The following SH3PXD2B variants were observed in gnomAD, a reference collection of about 807,000 sequenced individuals.
SH3PXD2B encodes the protein SH3 and PX domain-containing protein 2B.
A neutral mutation model predicts 73.1 loss-of-function variants in SH3PXD2B; 37 were observed. That is an observed-to-expected ratio of 0.51 (90% confidence interval 0.39 to 0.67). The LOEUF is 0.67. Among genes scored for constraint, SH3PXD2B ranks in the 30% least tolerant of loss-of-function variants. The probability of loss-of-function intolerance (pLI) is 0.00; values close to 1 mark genes in which losing one functional copy is unlikely to be tolerated. For synonymous variants in SH3PXD2B, 457 were observed against 480.5 expected (o/e 0.95, Z 0.64); for missense variants, 1,053 against 1,197.8 (o/e 0.88, Z 1.78).
intron 3 of SH3PXD2B, among the ~76,000 whole-genome samples, chr5:172,399,355 C>G (rs1298548276): frequency 6.6e-6 from 1 of 152,158 alleles, no homozygotes; most frequent in African/African-American, 2.4e-5. Context: ...CCCCTTATAC[C>G]TCTGCTCAAA....
At chr5:172,395,573 T>C (rs1313286691) in intron 3 of SH3PXD2B, among the ~76,000 whole-genome samples, 1 of 152,130 alleles carries the variant, frequency 6.6e-6, no homozygotes, top group Non-Finnish European at 1.5e-5. Flanking sequence ...ATCCAAGACA[T>C]TGAAATGTCA....
chr5:172,440,171 A>G lies in SH3PXD2B; in HGVS notation c.75+14107T>C, dbSNP rs148282441. On this transcript the variant is annotated intron_variant, in intron 1 of 12. Transcript: ENST00000311601. ...GTGAGGGCCTCTCTCGTGTTGACAG[A>G]GCTGTCCAGAGTGAATGGAGCCGCC... Among the ~76,000 whole-genome samples, 290 of 152,362 alleles carry G rather than the reference A, an allele frequency of 1.9e-3. 2 individuals are homozygous for G. The highest frequency in any genetic ancestry group is 6.6e-3 in the African/African-American group (274 of 41,588).
At position 172,362,806 on chromosome 5, in the gene SH3PXD2B, T is replaced by TGG. The variant is rs773577754; in HGVS notation, c.489_490dup (p.Gln164ProfsTer78). On this transcript the variant is annotated frameshift_variant, in exon 7 of 13. Transcript: ENST00000311601. LOFTEE classifies it high-confidence loss of function. ...GCTGATCTCCGAACTCTCCTGCTTC[T>TGG]GGTAGTTGGCTACCACCACATACTG... The TGG allele has an allele frequency of 5.6e-6, 9 of 1,614,072 alleles. No homozygotes were observed. Among genetic ancestry groups the TGG allele is most frequent in the Non-Finnish European group, 6.8e-6 (8 of 1,180,034 alleles).
At chr5:172,394,789 G>A (rs755163219) in intron 3 of SH3PXD2B, 150 bp from the exon 4 acceptor site, 10 of 758,650 alleles carry the variant, frequency 1.3e-5, no homozygotes, top group East Asian at 2.7e-5. Flanking sequence ...CTGGACTTCC[G>A]TGAGGCTTGG....
At chr5:172,346,325 G>A in intron 11 of SH3PXD2B, 64 bp from the exon 12 acceptor site, 1 of 1,608,720 alleles carries the variant, frequency 6.2e-7, no homozygotes, top group Non-Finnish European at 8.5e-7. Context: ...CTGTGTCAGG[G>A]GGAGTCTAAG....
chr5:172,443,896 T>G (rs973051508), intron 1 of SH3PXD2B, among the ~76,000 whole-genome samples: 1 of 152,256 alleles, frequency 6.6e-6, no homozygotes, highest in African/African-American at 2.4e-5. Context: ...GACTATCCCC[T>G]TATTACCAGT....
chr5:172,330,450 C>T (rs1164606980), downstream of SH3PXD2B, among the ~76,000 whole-genome samples: 4 of 152,110 alleles, frequency 2.6e-5, no homozygotes, highest in African/African-American at 9.7e-5. Flanking sequence ...GAAACGTTGC[C>T]CCTGATAGAT....
At chr5:172,396,550 T>G (rs1369824328) in intron 3 of SH3PXD2B, among the ~76,000 whole-genome samples, 1 of 151,828 alleles carries the variant, frequency 6.6e-6, no homozygotes, top group African/African-American at 2.4e-5. Flanking sequence ...GACAACTTGC[T>G]CTGGTGCAAA....
rs70982393 is a variant in SH3PXD2B at position 172,359,387 on chromosome 5, C to CAAAAAAAAA, written c.563-519_563-511dup. Among the ~76,000 whole-genome samples, 287 of 83,868 alleles carry CAAAAAAAAA rather than the reference C, an allele frequency of 3.4e-3. 4 individuals carry two copies. Among genetic ancestry groups the CAAAAAAAAA allele is most frequent in the Middle Eastern group, 6.1e-3 (1 of 164 alleles). The allele number at this position is 83,868 out of a possible 152,430, so 55.0% of individuals were successfully genotyped here. ...GGGCGACAGAGTGAGACCCCCATCT[C>CAAAAAAAAA]AAAAAAAAAAAAAAAAAAAAGTATA... is the stretch of plus-strand genomic sequence containing the variant. On this transcript the variant is annotated intron_variant, in intron 7 of 12. Transcript: ENST00000311601.
chr5:172,368,514 AAT>A (rs1416513176), intron 6 of SH3PXD2B, among the ~76,000 whole-genome samples: 318 of 21,698 alleles, frequency 0.015, 33 homozygotes, highest in South Asian at 0.023. Flanking sequence ...ATATATATAA[AAT>A]ATATATATAT....
intron 7 of SH3PXD2B, among the ~76,000 whole-genome samples, chr5:172,360,160 G>A (rs185850839): frequency 9.2e-5 from 14 of 152,230 alleles, no homozygotes; most frequent in Admixed American, 8.5e-4. Context: ...GTGGGTCTAC[G>A]ATTTTCTAAA....
In SH3PXD2B at chr5:172,333,960, T is replaced by C. The variant is rs761826813; in HGVS notation, c.*4409A>G. 16 of 1,224,598 alleles carry C rather than the reference T, an allele frequency of 1.3e-5. No homozygotes were observed. Among genetic ancestry groups the C allele is most frequent in the African/African-American group, 3.2e-5 (2 of 62,726 alleles). 75.9% of individuals were successfully genotyped at this position (1,224,598 alleles called of 1,614,324 possible). ...TGTGGACACCATCGTTGCATTAGAA[T>C]TGCTTATTGCTGATGTAAGCCTGGT... On this transcript the variant is annotated 3_prime_UTR_variant, in exon 13 of 13. Transcript: ENST00000311601.
At chr5:172,377,134 G>C (rs1018249933) in intron 5 of SH3PXD2B, among the ~76,000 whole-genome samples, 3 of 152,168 alleles carry the variant, frequency 2.0e-5, no homozygotes, top group South Asian at 2.1e-4. Context: ...GAGTGGGGGC[G>C]GCAGGGGACT....
chr5:172,424,053 G>C (rs187589756), intron 1 of SH3PXD2B, among the ~76,000 whole-genome samples: 4 of 152,170 alleles, frequency 2.6e-5, no homozygotes, highest in Non-Finnish European at 4.4e-5. Context: ...CTGGGGGTGG[G>C]GGGGAGCCTG....
chr5:172,386,041 C>A (rs1758053533), intron 4 of SH3PXD2B, among the ~76,000 whole-genome samples: 1 of 152,184 alleles, frequency 6.6e-6, no homozygotes. Context: ...CTGATGCAGG[C>A]ACGAGAGAGG....
At position 172,333,926 on chromosome 5, in the gene SH3PXD2B, G is replaced by C; in HGVS notation, c.*4443C>G. 1.6e-6 allele frequency: 2 copies of C among 1,249,944 alleles called. No individual in the cohort carries two copies. The highest frequency in any genetic ancestry group is 2.0e-6 in the Non-Finnish European group (2 of 976,338). 77.4% of individuals were successfully genotyped at this position (1,249,944 alleles called of 1,614,324 possible). A position where few individuals can be genotyped will look rare whatever the true frequency, so the allele number is the denominator to read the frequency against. ...ACAAAGGCATACATGGGCACACACT[G>C]GGGTAAAATGTGGACACCATCGTTG... On this transcript the variant is annotated 3_prime_UTR_variant, in exon 13 of 13. Coordinates refer to ENST00000311601, the MANE Select transcript of SH3PXD2B (RefSeq NM_001017995.3).
intron 1 of SH3PXD2B, among the ~76,000 whole-genome samples, chr5:172,439,286 AAAAAAC>A (rs754215551): frequency 0.097 from 8,112 of 83,978 alleles, 395 homozygotes; most frequent in Non-Finnish European, 0.16. Flanking sequence ...CAAAACAAAA[AAAAAAC>A]CCCAAAAAAA....
At chr5:172,382,705 T>G (rs1196077815) in intron 4 of SH3PXD2B, among the ~76,000 whole-genome samples, 1 of 152,116 alleles carries the variant, frequency 6.6e-6, no homozygotes, top group Non-Finnish European at 1.5e-5. Context: ...AGCTATAAAT[T>G]GTCAACTTCA....
At chr5:172,437,160 G>A (rs1982068) in intron 1 of SH3PXD2B, among the ~76,000 whole-genome samples, 47,946 of 151,992 alleles carry the variant, frequency 0.32, 8,552 homozygotes, top group Non-Finnish European at 0.42. Flanking sequence ...AAGCAACAAG[G>A]GCAAGGGAGA....
Sources: allele counts gnomAD v4.1 joint callset (sites outside exome capture counted in the v4.1 genomes callset), GRCh38; gene constraint gnomAD v4.1.1; transcripts MANE v1.5; gene names NCBI Gene and HGNC (gene_info 2026-07-23, HGNC 2026-07-21).